STYK1: variants seen among roughly 807,000 people sequenced by gnomAD.
STYK1 encodes tyrosine-protein kinase STYK1.
In STYK1, 46 loss-of-function variants were observed where a neutral mutation model predicts 48.1. That is an observed-to-expected ratio of 0.96 (90% CI 0.75 to 1.22). The LOEUF is 1.22. STYK1 is among the 50% of genes most tolerant of loss of function. The pLI is 0.00. For synonymous variants in STYK1, 188 were observed against 189.0 expected (o/e 0.99, Z 0.04); for missense variants, 527 against 521.1 (o/e 1.01, Z -0.11).
At chr12:10,631,431 T>C in intron 4 of STYK1, 123 bp from the exon 5 acceptor site, 2 of 1,183,748 alleles carry the variant, frequency 1.7e-6, no homozygotes, top group South Asian at 3.1e-5. Flanking sequence ...TGGGGAGTTG[T>C]CTTCTGATGC....
intron 1 of STYK1, among the ~76,000 whole-genome samples, chr12:10,663,403 G>C (rs1277864931): frequency 6.6e-6 from 1 of 151,998 alleles, no homozygotes; most frequent in African/African-American, 2.4e-5. Context: ...ATGAGGTCGG[G>C]AGATCGAGAC....
chr12:10,673,140 G>A (rs1300647121), intron 1 of STYK1, among the ~76,000 whole-genome samples: 1 of 152,044 alleles, frequency 6.6e-6, no homozygotes, highest in Admixed American at 6.5e-5. Context: ...GGTTGATAGA[G>A]AAAAATGAAA....
At chr12:10,643,923 A>G (rs1023654339) in intron 1 of STYK1, among the ~76,000 whole-genome samples, 1 of 152,178 alleles carries the variant, frequency 6.6e-6, no homozygotes, top group African/African-American at 2.4e-5. Context: ...TATTCTAAGT[A>G]TCACTGAAGT....
chr12:10,657,970 G>A (rs1156968215), intron 1 of STYK1, among the ~76,000 whole-genome samples: 3 of 152,216 alleles, frequency 2.0e-5, no homozygotes, highest in African/African-American at 7.2e-5. Context: ...AGTTTAGAAG[G>A]CTAAGGGGTT....
intron 1 of STYK1, among the ~76,000 whole-genome samples, chr12:10,657,568 A>G (rs921985547): frequency 6.6e-6 from 1 of 152,268 alleles, no homozygotes; most frequent in African/African-American, 2.4e-5. Context: ...AATTAGGCAG[A>G]TCAGATAATT....
At chr12:10,670,095 AC>A (rs1947876029) in intron 1 of STYK1, among the ~76,000 whole-genome samples, 2 of 152,202 alleles carry the variant, frequency 1.3e-5, no homozygotes, top group Non-Finnish European at 2.9e-5. Context: ...AAAGTAAACT[AC>A]TATATGATCC....
At chr12:10,654,276 C>A (rs1412973944) in intron 1 of STYK1, among the ~76,000 whole-genome samples, 1 of 152,208 alleles carries the variant, frequency 6.6e-6, no homozygotes, top group Non-Finnish European at 1.5e-5. Context: ...CAAGAAATAA[C>A]TAAGTATACT....
intron 4 of STYK1, among the ~76,000 whole-genome samples, chr12:10,632,818 A>C (rs1947444577): frequency 6.6e-6 from 1 of 152,192 alleles, no homozygotes; most frequent in African/African-American, 2.4e-5. Flanking sequence ...GACTGAAAAC[A>C]CAGTCTCAAA....
chr12:10,646,175 G>C (rs1486063520), intron 1 of STYK1, among the ~76,000 whole-genome samples: 1 of 152,236 alleles, frequency 6.6e-6, no homozygotes, highest in Non-Finnish European at 1.5e-5. Context: ...CTGGGTAACA[G>C]GGAGAAGTTG....
intron 3 of STYK1, 56 bp from the exon 4 acceptor site, chr12:10,634,180 C>G (rs1197289740): frequency 6.4e-7 from 1 of 1,572,746 alleles, no homozygotes; most frequent in African/African-American, 1.4e-5. Context: ...ACCTGGTGTT[C>G]ATGCAATTTC....
At chr12:10,640,474 T>C (rs1947531669) in intron 1 of STYK1, among the ~76,000 whole-genome samples, 1 of 152,208 alleles carries the variant, frequency 6.6e-6, no homozygotes, top group African/African-American at 2.4e-5. Flanking sequence ...TATCTCGTCC[T>C]CTCACTCTTC....
At chr12:10,668,553 T>G (rs967848527) in intron 1 of STYK1, among the ~76,000 whole-genome samples, 1 of 134,214 alleles carries the variant, frequency 7.5e-6, no homozygotes, top group Non-Finnish European at 1.5e-5. Context: ...TTTTTTTTTT[T>G]TTTTTTTTTT....
chr12:10,624,733 T>C lies in STYK1; in HGVS notation c.844A>G (p.Ile282Val), dbSNP rs1349770512. The C allele has an allele frequency of 1.2e-6, 2 of 1,614,144 alleles. No individual in the cohort carries two copies. Among genetic ancestry groups the C allele is most frequent in the Non-Finnish European group, 1.7e-6 (2 of 1,180,024 alleles). Residue 282 changes from isoleucine to valine, a missense_variant, in exon 8 of 11, where the codon ATC becomes GTC. Physicochemically the swap from Ile to Val is conservative, Grantham distance 29. Coordinates refer to ENST00000075503, the MANE Select transcript of STYK1 (RefSeq NM_018423.3). ...LAYEVYTRGA[I>V]SSTQTIPLKW... ...AGAGGTATGGTTTGAGTAGAGGAGA[T>C]GGCCCCTCGGGTGTAAACTTCATAA...
rs1476986555 is a variant in STYK1, at chr12:10,619,573, A to T, written c.*571T>A. On this transcript the variant is annotated 3_prime_UTR_variant, in exon 11 of 11. Transcript: ENST00000075503. ...AAAGGGGACCATCTTTCTTTTATCT[A>T]TACCTAAGGTGAAACTCAGAGGTTT... 6.5e-6 allele frequency: 1 copy of T among 154,984 alleles called. No individual in the cohort carries two copies. Among genetic ancestry groups the T allele is most frequent in the African/African-American group, 2.4e-5 (1 of 41,592 alleles). The allele number at this position is 154,984 out of a possible 1,614,324, so 9.6% of individuals were successfully genotyped here.
At chr12:10,635,023 T>C (rs1354357331) in intron 2 of STYK1, among the ~76,000 whole-genome samples, 2 of 152,222 alleles carry the variant, frequency 1.3e-5, no homozygotes, top group African/African-American at 4.8e-5. Flanking sequence ...AACATCCATC[T>C]GAACTGTGAT....
chr12:10,673,869 C>T (rs1317426073), intron 1 of STYK1, 97 bp downstream of exon 1: 1 of 152,560 alleles, frequency 6.6e-6, no homozygotes, highest in Non-Finnish European at 1.5e-5. Flanking sequence ...TTCTCCCTCC[C>T]CAACTGCAAA....
chr12:10,659,584 G>C (rs56253638), intron 1 of STYK1, among the ~76,000 whole-genome samples: 149,380 of 152,116 alleles, frequency 0.98, 73,402 homozygotes, highest in East Asian at 1. Context: ...GGCCCAGGAG[G>C]CAAGTTATCT....
rs151245563 is a variant in STYK1, at chr12:10,627,665, G to A, written c.693C>T (p.Ile231=). Residue 231 remains isoleucine (I), a synonymous_variant, in exon 7 of 11, where the codon ATC becomes ATT. Coordinates refer to ENST00000075503, the MANE Select transcript of STYK1 (RefSeq NM_018423.3). ...YDLTEKQVYH[I]GKQVLLALEF... ...CCAGCGCCAAAAGGACCTGCTTTCCGATGTGATATACTTGTTTTTCTGTGA... is the reference window on the plus strand; with the variant it reads ...CCAGCGCCAAAAGGACCTGCTTTCCAATGTGATATACTTGTTTTTCTGTGA... The A allele has an allele frequency of 1.3e-4, 211 of 1,613,658 alleles. No homozygotes were observed. Among genetic ancestry groups the A allele is most frequent in the Middle Eastern group, 1.6e-4 (1 of 6,062 alleles).
At chr12:10,629,250 T>G (rs951528545) in intron 6 of STYK1, among the ~76,000 whole-genome samples, 4 of 152,212 alleles carry the variant, frequency 2.6e-5, no homozygotes, top group African/African-American at 9.7e-5. Context: ...AGTTTCTCCA[T>G]CACATCAGCC....
Sources: gnomAD v4.1 joint callset for allele counts (sites outside exome capture counted in the v4.1 genomes callset) on GRCh38, gnomAD v4.1.1 for gene constraint, MANE v1.5 for transcripts, NCBI Gene and HGNC (gene_info 2026-07-23, HGNC 2026-07-21) for gene names.